SNX2: variants seen among roughly 807,000 people sequenced by gnomAD.
SNX2 encodes the protein sorting nexin 2, also known as sorting nexin-2.
In SNX2, 25 loss-of-function variants were observed where a neutral mutation model predicts 69.9. The observed-to-expected ratio is 0.36, with a 90% CI of 0.26 to 0.50. The LOEUF (loss-of-function observed/expected upper bound fraction) is 0.50. Ranked by LOEUF, SNX2 falls within the 20% of genes least tolerant of loss-of-function variation. The pLI is 0.97. For missense variants in SNX2, 551 were observed against 613.3 expected (o/e 0.90, Z 1.07); for synonymous variants, 229 against 200.4 (o/e 1.14, Z -1.20).
At chr5:122,806,130 A>ACG (rs1491188541) in intron 6 of SNX2, among the ~76,000 whole-genome samples, 1 of 55,396 alleles carries the variant, frequency 1.8e-5, no homozygotes, top group Non-Finnish European at 3.3e-5. Flanking sequence ...GTATATATAT[A>ACG]CACACGCGCG....
rs890798423 is a variant in SNX2, at chr5:122,833,078, A to G, written c.*3430A>G. The G allele has an allele frequency of 6.6e-6, 1 of 152,202 alleles. No individual in the cohort carries two copies. Among genetic ancestry groups the G allele is most frequent in the Non-Finnish European group, 1.5e-5 (1 of 68,028 alleles). 9.4% of individuals were successfully genotyped at this position (152,202 alleles called of 1,614,324 possible). ...TGTGTGAGTGACATAGTCTGTTTCA[A>G]AGTATTAGAAAAGAGACAATAGAAT... On this transcript the variant is annotated 3_prime_UTR_variant, in exon 15 of 15. Transcript: ENST00000379516.
chr5:122,817,799 ATTTGT>A (rs1363720689), intron 10 of SNX2, among the ~76,000 whole-genome samples: 1 of 152,088 alleles, frequency 6.6e-6, no homozygotes, highest in Non-Finnish European at 1.5e-5. Context: ...TTTGGAAAGT[ATTTGT>A]TTTGTGTGTC....
At chr5:122,805,367 C>G (rs998289521) in intron 6 of SNX2, among the ~76,000 whole-genome samples, 1 of 151,528 alleles carries the variant, frequency 6.6e-6, no homozygotes, top group South Asian at 2.1e-4. Context: ...CCCAAGCAGT[C>G]CTCTCATCTG....
chr5:122,779,478 G>A (rs532364737), intron 1 of SNX2, among the ~76,000 whole-genome samples: 4 of 152,224 alleles, frequency 2.6e-5, no homozygotes, highest in African/African-American at 9.6e-5. Flanking sequence ...TCTGTAGCAC[G>A]TATCAATACT....
chr5:122,783,937 C>G (rs1460547785), intron 1 of SNX2, among the ~76,000 whole-genome samples: 1 of 152,002 alleles, frequency 6.6e-6, no homozygotes, highest in Middle Eastern at 3.4e-3. Flanking sequence ...TCTTGATTTT[C>G]TTTCACTAAT....
Position 122,799,744 on chromosome 5 carries a change from C to T in SNX2, c.279C>T (p.Ser93=), listed in dbSNP as rs773383778. ...GCCCTGAAAGGGAACCTATCCTATC[C>T]TCGGAACCTTCTCCTGCAGTCACAC... is the stretch of plus-strand genomic sequence containing the variant. The part of the protein sequence containing the change: ...LDSPEREPIL[S]SEPSPAVTPV... Residue 93 remains serine, a synonymous_variant, in exon 3 of 15, where the codon TCC becomes TCT. Transcript: ENST00000379516. The T allele has an allele frequency of 1.9e-6, 3 of 1,613,884 alleles. No individual in the cohort carries two copies. In the Admixed American group the frequency reaches 5.0e-5, roughly 27 times the overall value.
intron 1 of SNX2, among the ~76,000 whole-genome samples, chr5:122,779,842 A>C (rs769837707): frequency 2.0e-5 from 3 of 152,110 alleles, no homozygotes; most frequent in Non-Finnish European, 4.4e-5. Context: ...CCCATCACCT[A>C]GGTATTAAGC....
At chr5:122,820,155 AC>A (rs1212370019) in intron 11 of SNX2, among the ~76,000 whole-genome samples, 3 of 152,182 alleles carry the variant, frequency 2.0e-5, no homozygotes, top group Admixed American at 6.5e-5. Flanking sequence ...TTACCAGAGC[AC>A]CCAATAGCAT....
At chr5:122,788,222 G>A in intron 1 of SNX2, among the ~76,000 whole-genome samples, 1 of 152,162 alleles carries the variant, frequency 6.6e-6, no homozygotes, top group East Asian at 1.9e-4. Flanking sequence ...TGTAGCCTTT[G>A]TGGTTTCTGA....
At chr5:122,822,030 G>T (rs1754037041) in intron 11 of SNX2, among the ~76,000 whole-genome samples, 1 of 151,988 alleles carries the variant, frequency 6.6e-6, no homozygotes, top group Admixed American at 6.5e-5. Context: ...TTTTTGTTTT[G>T]TAAGTTGCCA....
At chr5:122,791,973 G>C (rs773655857) in intron 1 of SNX2, among the ~76,000 whole-genome samples, 1 of 152,138 alleles carries the variant, frequency 6.6e-6, no homozygotes, top group African/African-American at 2.4e-5. Flanking sequence ...GAAGTATATA[G>C]GCCAATCACC....
Position 122,779,962 on chromosome 5 carries a change from T to G in SNX2, c.108+4751T>G, listed in dbSNP as rs375501325. ...TTTAAACAGTCTGAGGTTAAAGGCC[T>G]AAAGAAAGAAAGTGCAAATAATAAA... On this transcript the variant is annotated intron_variant, in intron 1 of 14. Coordinates refer to ENST00000379516, the MANE Select transcript of SNX2 (RefSeq NM_003100.4). Among the ~76,000 whole-genome samples, 21 of 152,268 alleles carry G rather than the reference T, an allele frequency of 1.4e-4. 3 individuals are homozygous for G. Among genetic ancestry groups the G allele is most frequent in the East Asian group, 3.9e-4 (2 of 5,188 alleles).
chr5:122,777,453 A>G (rs956605314), intron 1 of SNX2, among the ~76,000 whole-genome samples: 3 of 152,236 alleles, frequency 2.0e-5, no homozygotes, highest in African/African-American at 4.8e-5. Context: ...CTAAGAAAAT[A>G]TATACTACTT....
Position 122,826,069 on chromosome 5 carries a change from T to C in SNX2, c.1232T>C (p.Met411Thr). The C allele has an allele frequency of 6.2e-7, 1 of 1,613,198 alleles. No individual in the cohort carries two copies. Among genetic ancestry groups the C allele is most frequent in the Non-Finnish European group, 8.5e-7 (1 of 1,179,384 alleles). ...AAVKGVFDHR[M>T]KCWQKWEDAQ... ...TTATAGGGTGTGTTTGACCATCGAA[T>C]GAAGTGCTGGCAGAAATGGGAAGAT... The change falls in exon 12 of 15, where the codon ATG (methionine) becomes ACG (threonine). Residue 411 changes from methionine to threonine, a missense_variant. Physicochemically the swap from Met to Thr is moderately conservative, Grantham distance 81. Transcript: ENST00000379516.
At position 122,833,875 on chromosome 5, in the gene SNX2, G is replaced by A. The variant is rs745676078; in HGVS notation, c.*4227G>A. The A allele has an allele frequency of 6.6e-6, 1 of 152,186 alleles. No homozygotes were observed. The highest frequency in any genetic ancestry group is 1.5e-5 in the Non-Finnish European group (1 of 68,014). The allele number at this position is 152,186 out of a possible 1,614,324, so 9.4% of individuals were successfully genotyped here. A position where few individuals can be genotyped will look rare whatever the true frequency, so the allele number is the denominator to read the frequency against. ...CGACTCCTAGTTGTTACTCTCAAGGGCAGGTATAATTTATGTGCAAGACTT... is the reference window on the plus strand; with the variant it reads ...CGACTCCTAGTTGTTACTCTCAAGGACAGGTATAATTTATGTGCAAGACTT... On this transcript the variant is annotated 3_prime_UTR_variant, in exon 15 of 15. Transcript: ENST00000379516.
intron 11 of SNX2, among the ~76,000 whole-genome samples, chr5:122,823,733 T>A (rs1754080979): frequency 6.6e-6 from 1 of 150,874 alleles, no homozygotes; most frequent in African/African-American, 2.4e-5. Context: ...TGTGTGTGTG[T>A]GTGTCGGAAG....
intron 6 of SNX2, among the ~76,000 whole-genome samples, chr5:122,806,111 T>TGCGC (rs1454021120): frequency 1.5e-5 from 1 of 64,580 alleles, no homozygotes; most frequent in South Asian, 6.4e-4. Context: ...TGTGTGTGTG[T>TGCGC]GCGTGTGTGT....
intron 7 of SNX2, among the ~76,000 whole-genome samples, chr5:122,813,536 A>T (rs1753827866): frequency 1.3e-5 from 2 of 152,054 alleles, no homozygotes; most frequent in South Asian, 4.1e-4. Context: ...ACAAAGTTAA[A>T]CTAGGGTTAT....
intron 1 of SNX2, among the ~76,000 whole-genome samples, chr5:122,791,893 G>C (rs56300425): frequency 6.6e-6 from 1 of 152,148 alleles, no homozygotes; most frequent in African/African-American, 2.4e-5. Flanking sequence ...TATGTACAGC[G>C]TGCAGTCTAT....
Sources: allele counts gnomAD v4.1 joint callset (sites outside exome capture counted in the v4.1 genomes callset), GRCh38; gene constraint gnomAD v4.1.1; transcripts MANE v1.5; gene names NCBI Gene and HGNC (gene_info 2026-07-23, HGNC 2026-07-21).